GLIS3: variants seen among roughly 807,000 people sequenced by gnomAD.
GLIS3 encodes zinc finger protein GLIS3.
A neutral mutation model predicts 78.6 loss-of-function variants in GLIS3; 53 were observed. The observed-to-expected ratio is 0.67, with a 90% CI of 0.54 to 0.85. The LOEUF (loss-of-function observed/expected upper bound fraction) is 0.85, where lower values mean the gene tolerates loss of function less well. Ranked by LOEUF, GLIS3 falls within the 40% of genes least tolerant of loss-of-function variation. The probability of loss-of-function intolerance (pLI) is 0.00; values close to 1 mark genes in which losing one functional copy is unlikely to be tolerated. For synonymous variants in GLIS3, 684 were observed against 509.9 expected (o/e 1.34, Z -4.60); for missense variants, 1,703 against 1,231.1 (o/e 1.38, Z -5.74).
At chr9:4,364,774 TTTTTTA>T in the GLIS3 span, among the ~76,000 whole-genome samples, 2,957 of 137,294 alleles carry the variant, frequency 0.022, 132 homozygotes, top group African/African-American at 0.076. Context: ...TTTTTTTTTT[TTTTTTA>T]AAGAGACAGG....
rs1209999680 is a variant in GLIS3, at chr9:4,226,006, T to C, written c.388+60032A>G. ...TAACACTGGCCAGATTTTTAAAATA[T>C]TGCCATGTAATATGTGGGTAATAGG... is the stretch of plus-strand genomic sequence containing the variant. On this transcript the variant is annotated intron_variant, in intron 2 of 10. Transcript: ENST00000381971. Among the ~76,000 whole-genome samples, 9 of 152,366 alleles carry C rather than the reference T, an allele frequency of 5.9e-5. No individual in the cohort carries two copies. In the South Asian group the frequency reaches 1.4e-3, roughly 25 times the overall value.
chr9:4,312,487 A>G (rs1817379664), intron 2 of GLIS3, among the ~76,000 whole-genome samples: 2 of 152,370 alleles, frequency 1.3e-5, no homozygotes, highest in East Asian at 3.9e-4. Context: ...AAAACTTTCC[A>G]GTTGTACACA....
chr9:4,360,428 G>A, the GLIS3 span, among the ~76,000 whole-genome samples: 10 of 152,102 alleles, frequency 6.6e-5, no homozygotes, highest in South Asian at 6.2e-4. Context: ...TGTGACTGAT[G>A]GCCAGTAATG....
At chr9:4,192,268 T>C (rs1818398120) in intron 2 of GLIS3, among the ~76,000 whole-genome samples, 1 of 152,222 alleles carries the variant, frequency 6.6e-6, no homozygotes. Flanking sequence ...AAAATGTCTT[T>C]TAGAGTTTCT....
chr9:4,307,510 G>A (rs1817257829), intron 4 of GLIS3, among the ~76,000 whole-genome samples: 2 of 151,814 alleles, frequency 1.3e-5, no homozygotes, highest in Admixed American at 1.3e-4. Flanking sequence ...TCTCTGATAG[G>A]GAGAATAATG....
chr9:4,404,334 T>C, the GLIS3 span, among the ~76,000 whole-genome samples: 1 of 152,026 alleles, frequency 6.6e-6, no homozygotes, highest in Admixed American at 6.6e-5. Flanking sequence ...AATCAACAAA[T>C]AAACATTGGA....
At chr9:3,938,163 C>A (rs1423336513) in intron 4 of GLIS3, among the ~76,000 whole-genome samples, 7 of 152,102 alleles carry the variant, frequency 4.6e-5, no homozygotes, top group Non-Finnish European at 8.8e-5. Flanking sequence ...TTGGTGCTAA[C>A]CCCCAGAATA....
intron 2 of GLIS3, among the ~76,000 whole-genome samples, chr9:4,257,148 G>C (rs1176655510): frequency 6.6e-6 from 1 of 152,126 alleles, no homozygotes; most frequent in African/African-American, 2.4e-5. Context: ...TACATATGGA[G>C]TATTATTAAG....
intron 2 of GLIS3, among the ~76,000 whole-genome samples, chr9:4,226,422 G>C (rs1286304250): frequency 6.6e-6 from 1 of 152,078 alleles, no homozygotes. Context: ...TACCAACAGA[G>C]ACAACATCTG....
At chr9:4,419,552 G>C in the GLIS3 span, among the ~76,000 whole-genome samples, 4 of 152,278 alleles carry the variant, frequency 2.6e-5, no homozygotes, top group East Asian at 7.7e-4. Flanking sequence ...CATTTGAGGA[G>C]GCCGAGGCGG....
the GLIS3 span, among the ~76,000 whole-genome samples, chr9:4,358,056 G>A: frequency 1.3e-5 from 2 of 152,154 alleles, no homozygotes; most frequent in South Asian, 2.1e-4. Flanking sequence ...CCCAAGATGA[G>A]AAAAGCAAGG....
intron 2 of GLIS3, among the ~76,000 whole-genome samples, chr9:4,153,705 T>C (rs891380497): frequency 1.3e-5 from 2 of 152,172 alleles, no homozygotes; most frequent in Non-Finnish European, 2.9e-5. Context: ...TGAAAAGAGA[T>C]CAATAAATGG....
At chr9:4,304,968 C>A (rs1463007368), upstream of GLIS3, among the ~76,000 whole-genome samples, 4 of 152,204 alleles carry the variant, frequency 2.6e-5, no homozygotes, top group East Asian at 7.7e-4. Flanking sequence ...CCAAAGCAGA[C>A]CTGCCCCGGG....
At chr9:4,200,069 A>C (rs1486912095) in intron 2 of GLIS3, among the ~76,000 whole-genome samples, 1 of 152,214 alleles carries the variant, frequency 6.6e-6, no homozygotes, top group African/African-American at 2.4e-5. Flanking sequence ...AGTAAACAAT[A>C]AAATTAAGGC....
the GLIS3 span, among the ~76,000 whole-genome samples, chr9:4,357,624 T>C: frequency 3.9e-5 from 6 of 152,168 alleles, no homozygotes; most frequent in South Asian, 1.0e-3. Context: ...TCTGTTTCTC[T>C]AGAAAACTCC....
chr9:4,201,387 C>T (rs1273048669), intron 2 of GLIS3, among the ~76,000 whole-genome samples: 2 of 152,152 alleles, frequency 1.3e-5, no homozygotes, highest in African/African-American at 4.8e-5. Flanking sequence ...AAGAAGAAGT[C>T]AAACTGTCCC....
intron 2 of GLIS3, among the ~76,000 whole-genome samples, chr9:4,197,277 C>T (rs1406804302): frequency 1.3e-5 from 2 of 152,192 alleles, no homozygotes; most frequent in Non-Finnish European, 1.5e-5. Flanking sequence ...CCTCTCCACT[C>T]CATGACTAAG....
chr9:4,277,376 A>G (rs1780902066), intron 2 of GLIS3, among the ~76,000 whole-genome samples: 1 of 152,270 alleles, frequency 6.6e-6, no homozygotes, highest in African/African-American at 2.4e-5. Flanking sequence ...TGAAATAGCC[A>G]AACACAAACA....
chr9:4,226,645 G>C (rs1353977576), intron 2 of GLIS3, among the ~76,000 whole-genome samples: 1 of 152,170 alleles, frequency 6.6e-6, no homozygotes, highest in South Asian at 2.1e-4. Context: ...TTTGGAGATA[G>C]CAAGGTCTCA....
Sources: allele counts gnomAD v4.1 joint callset (sites outside exome capture counted in the v4.1 genomes callset), GRCh38; gene constraint gnomAD v4.1.1; transcripts MANE v1.5; gene names NCBI Gene and HGNC (gene_info 2026-07-23, HGNC 2026-07-21).